The following RGS22 variants were observed in gnomAD, a reference collection of about 807,000 sequenced individuals.
RGS22 encodes the protein regulator of G-protein signaling 22.
In RGS22, 148 loss-of-function variants were observed where a neutral mutation model predicts 172.9. That is an observed-to-expected ratio of 0.86 (90% CI 0.75 to 0.98). RGS22 has a LOEUF of 0.98. Among genes scored for constraint, RGS22 ranks in the 50% least tolerant of loss-of-function variants. The pLI is 0.00. For missense variants in RGS22, 1,347 were observed against 1,440.8 expected (o/e 0.93, Z 1.05); for synonymous variants, 458 against 480.2 (o/e 0.95, Z 0.60).
chr8:100,101,290 CT>C (rs112881114), intron 2 of RGS22, among the ~76,000 whole-genome samples: 4,620 of 140,780 alleles, frequency 0.033, 185 homozygotes, highest in African/African-American at 0.1. Context: ...TCCTAAATTT[CT>C]TTTTTTTTTT....
Position 99,981,960 on chromosome 8 carries a change from G to T in RGS22, c.3337C>A (p.Pro1113Thr). The T allele has an allele frequency of 6.2e-7, 1 of 1,613,512 alleles. No individual in the cohort carries two copies. The highest frequency in any genetic ancestry group is 8.5e-7 in the Non-Finnish European group (1 of 1,179,730). ...KIIEHRKELG[P>T]YVFREAQMTI... Reference sequence around the variant, plus strand: ...ACCTGTGCCTCTCTAAATACATATGGTCCTAACTCCTTCCGGTGTTCAATA... The same window carrying T: ...ACCTGTGCCTCTCTAAATACATATGTTCCTAACTCCTTCCGGTGTTCAATA... The change falls in exon 22 of 28, where the codon CCA (proline) becomes ACA (threonine). Residue 1113 changes from proline (P) to threonine (T), a missense_variant. Physicochemically the swap from Pro to Thr is conservative, Grantham distance 38. Transcript: ENST00000360863.
intron 14 of RGS22, among the ~76,000 whole-genome samples, chr8:100,012,212 T>C (rs1588971172): frequency 6.6e-6 from 1 of 151,850 alleles, no homozygotes; most frequent in South Asian, 2.1e-4. Context: ...GCAAACGAGG[T>C]CAAAATCAGG....
chr8:100,056,917 T>A (rs562776440), intron 9 of RGS22, among the ~76,000 whole-genome samples: 1 of 152,180 alleles, frequency 6.6e-6, no homozygotes, highest in African/African-American at 2.4e-5. Flanking sequence ...GACCCCGGAA[T>A]GGTAGATCCA....
chr8:100,064,170 C>T, intron 7 of RGS22, 127 bp from the exon 8 acceptor site: 1 of 663,288 alleles, frequency 1.5e-6, no homozygotes, highest in Non-Finnish European at 2.3e-6. Flanking sequence ...GGACCGGTGT[C>T]TTAAGAAGGA....
chr8:100,020,752 C>A (rs1817523313), intron 14 of RGS22, among the ~76,000 whole-genome samples: 1 of 152,076 alleles, frequency 6.6e-6, no homozygotes, highest in South Asian at 2.1e-4. Flanking sequence ...TGATTCAAGT[C>A]CAAAGGCCTC....
chr8:100,077,774 A>T (rs990947066), intron 4 of RGS22, among the ~76,000 whole-genome samples: 1 of 152,178 alleles, frequency 6.6e-6, no homozygotes, highest in Non-Finnish European at 1.5e-5. Context: ...CCATTTCCTT[A>T]CTGATCTGCT....
At chr8:99,992,973 C>G (rs1408697934) in intron 20 of RGS22, among the ~76,000 whole-genome samples, 1 of 152,120 alleles carries the variant, frequency 6.6e-6, no homozygotes, top group East Asian at 1.9e-4. Flanking sequence ...CACTCAAAAC[C>G]ACACAACTAC....
intron 19 of RGS22, among the ~76,000 whole-genome samples, chr8:99,997,630 A>G (rs1814536367): frequency 6.6e-6 from 1 of 152,208 alleles, no homozygotes; most frequent in Admixed American, 6.5e-5. Context: ...GTTCTTCCTG[A>G]TTAGTATTAA....
chr8:99,975,541 A>G (rs184736489), intron 23 of RGS22, among the ~76,000 whole-genome samples: 5 of 152,090 alleles, frequency 3.3e-5, no homozygotes, highest in Admixed American at 3.3e-4. Context: ...CATAGGATGA[A>G]CTTGTCCTTG....
chr8:100,020,462 T>A (rs1250181387), intron 14 of RGS22, among the ~76,000 whole-genome samples: 1 of 152,204 alleles, frequency 6.6e-6, no homozygotes, highest in African/African-American at 2.4e-5. Flanking sequence ...TAAGCATAAG[T>A]GAGTGGTTCA....
chr8:100,052,228 TATGTATATTTATATATAAATATATAA>T (rs1821724348), intron 10 of RGS22, among the ~76,000 whole-genome samples: 1 of 121,276 alleles, frequency 8.2e-6, no homozygotes, highest in Non-Finnish European at 1.7e-5. Flanking sequence ...TACACATATA[TATGTATATTTATATATAAATATATAA>T]ATGTATATAA....
At chr8:100,036,226 T>C (rs974008872) in intron 14 of RGS22, among the ~76,000 whole-genome samples, 1 of 152,100 alleles carries the variant, frequency 6.6e-6, no homozygotes, top group Non-Finnish European at 1.5e-5. Flanking sequence ...TGGTATATGG[T>C]TCCTTGGCAA....
At chr8:100,104,363 T>TGTA (rs1231144915) in intron 2 of RGS22, among the ~76,000 whole-genome samples, 3 of 124,504 alleles carry the variant, frequency 2.4e-5, no homozygotes, top group South Asian at 2.2e-4. Flanking sequence ...TGTGTGTGTA[T>TGTA]TTTTTTTTTT....
intron 3 of RGS22, among the ~76,000 whole-genome samples, chr8:100,081,264 A>G (rs1409956754): frequency 1.3e-5 from 2 of 151,946 alleles, no homozygotes; most frequent in Non-Finnish European, 2.9e-5. Flanking sequence ...AAGTTTTACT[A>G]AGGGATTGCT....
Position 100,071,547 on chromosome 8 carries a change from A to C in RGS22, c.426-10T>G, listed in dbSNP as rs778875559. 3.7e-5 allele frequency: 59 copies of C among 1,579,738 alleles called. 1 individual carries two copies. The Middle Eastern group carries it at 6.8e-4, about 18-fold the overall frequency. On this transcript the variant is annotated splice_polypyrimidine_tract_variant and intron_variant, in intron 5 of 27. Coordinates refer to ENST00000360863, the MANE Select transcript of RGS22 (RefSeq NM_015668.5). ...GACCAATTTGGCTAACCTGCATTTT[A>C]GAAATCATACAAATTTAAAACAAGT...
chr8:99,971,304 T>G (rs111814416), intron 23 of RGS22, among the ~76,000 whole-genome samples: 1 of 152,178 alleles, frequency 6.6e-6, no homozygotes, highest in African/African-American at 2.4e-5. Flanking sequence ...GGATTCCCTT[T>G]GAAAACCAGC....
At chr8:100,074,749 GT>G (rs140533796) in intron 4 of RGS22, among the ~76,000 whole-genome samples, 2 of 148,168 alleles carry the variant, frequency 1.3e-5, no homozygotes, top group African/African-American at 2.5e-5. Flanking sequence ...TTTCTTTTTT[GT>G]TTTTTTTTTG....
At chr8:100,041,390 C>A (rs1224514412) in intron 12 of RGS22, among the ~76,000 whole-genome samples, 1 of 151,692 alleles carries the variant, frequency 6.6e-6, no homozygotes, top group Non-Finnish European at 1.5e-5. Flanking sequence ...ACTTGGGAGG[C>A]TGAGGCAGGG....
chr8:100,006,168 T>C, intron 15 of RGS22, 59 bp from the exon 16 acceptor site: 2 of 1,365,130 alleles, frequency 1.5e-6, no homozygotes, highest in East Asian at 2.3e-5. Context: ...CTAGTAACAG[T>C]GGGCTGAAAA....
Sources: allele counts gnomAD v4.1 joint callset (sites outside exome capture counted in the v4.1 genomes callset), GRCh38; gene constraint gnomAD v4.1.1; transcripts MANE v1.5; gene names NCBI Gene and HGNC (gene_info 2026-07-23, HGNC 2026-07-21).